PAK5: variants seen among roughly 807,000 people sequenced by gnomAD.
PAK5 encodes p21 (RAC1) activated kinase 5, also known as serine/threonine-protein kinase PAK 5.
In PAK5, 16 loss-of-function variants were observed where a neutral mutation model predicts 65.9. The ratio of observed to expected loss-of-function variants is 0.24; its 90% CI spans 0.16 to 0.37. The LOEUF is 0.37. PAK5 is among the 10% of genes least tolerant of loss of function. The pLI is 1.00. For synonymous variants in PAK5, 371 were observed against 354.9 expected (o/e 1.05, Z -0.51); for missense variants, 785 against 903.9 (o/e 0.87, Z 1.69).
At chr20:9,834,256 A>G (rs1038798311) in intron 1 of PAK5, among the ~76,000 whole-genome samples, 2 of 152,198 alleles carry the variant, frequency 1.3e-5, no homozygotes, top group African/African-American at 4.8e-5. Flanking sequence ...CTAAAACATA[A>G]CATGTGTTCC....
At chr20:9,804,634 A>T (rs2049209603) in intron 1 of PAK5, among the ~76,000 whole-genome samples, 1 of 152,238 alleles carries the variant, frequency 6.6e-6, no homozygotes, top group Non-Finnish European at 1.5e-5. Flanking sequence ...CATAAGGGTA[A>T]ATCTGCATGA....
chr20:9,699,109 A>G (rs2047906046), intron 2 of PAK5, among the ~76,000 whole-genome samples: 1 of 152,114 alleles, frequency 6.6e-6, no homozygotes, highest in Admixed American at 6.6e-5. Flanking sequence ...CATCCCCTGT[A>G]CTACAACCAG....
chr20:9,544,353 A>G lies in PAK5; in HGVS notation c.1869+16T>C, dbSNP rs761620052. On this transcript the variant is annotated intron_variant, in intron 8 of 9. Coordinates refer to ENST00000353224, the MANE Select transcript of PAK5 (RefSeq NM_177990.4). ...TGTCCCCAGTCCTGCCACGCCTATG[A>G]CTGTGACCCCCTTACCTCTGTCCCA... 1.2e-6 allele frequency: 2 copies of G among 1,612,712 alleles called. No homozygotes were observed. The highest frequency in any genetic ancestry group is 3.3e-5 in the Admixed American group (2 of 59,954).
chr20:9,680,358 G>T (rs935577898), intron 2 of PAK5, among the ~76,000 whole-genome samples: 1 of 152,162 alleles, frequency 6.6e-6, no homozygotes, highest in African/African-American at 2.4e-5. Flanking sequence ...TCCTTTACCT[G>T]AGATATCTCA....
At chr20:9,623,200 A>G (rs866610022) in intron 3 of PAK5, among the ~76,000 whole-genome samples, 14 of 152,174 alleles carry the variant, frequency 9.2e-5, no homozygotes, top group Admixed American at 2.6e-4. Flanking sequence ...GACATATTGC[A>G]TTTTGTGGGG....
intron 1 of PAK5, among the ~76,000 whole-genome samples, chr20:9,827,112 C>T (rs756382860): frequency 2.0e-5 from 3 of 152,022 alleles, no homozygotes; most frequent in Non-Finnish European, 4.4e-5. Context: ...CTTTTTTATT[C>T]ACAGAAAATA....
intron 1 of PAK5, among the ~76,000 whole-genome samples, chr20:9,802,845 G>T (rs1357763206): frequency 7.3e-6 from 1 of 137,280 alleles, no homozygotes; most frequent in Non-Finnish European, 1.5e-5. Context: ...CCAACAGAAG[G>T]AATAGAACTA....
chr20:9,544,954 T>C (rs2072952), intron 7 of PAK5, among the ~76,000 whole-genome samples: 69,185 of 152,064 alleles, frequency 0.45, 19,424 homozygotes, highest in African/African-American at 0.8. Flanking sequence ...TACCATGAGG[T>C]GAATCAAAGA....
At chr20:9,817,007 C>T (rs2049364954) in intron 1 of PAK5, among the ~76,000 whole-genome samples, 1 of 152,088 alleles carries the variant, frequency 6.6e-6, no homozygotes, top group South Asian at 2.1e-4. Flanking sequence ...ACAAGCCAGG[C>T]ATGGTGGTGC....
In PAK5 at chr20:9,561,926, A is replaced by G. The variant is rs566804535; in HGVS notation, c.1616+965T>C. 4.1e-3 allele frequency among the ~76,000 whole-genome samples: 619 copies of G among 152,320 alleles called. 1 individual carries two copies. Among genetic ancestry groups the G allele is most frequent in the Middle Eastern group, 0.027 (8 of 294 alleles). On this transcript the variant is annotated intron_variant, in intron 6 of 9. Coordinates refer to ENST00000353224, the MANE Select transcript of PAK5 (RefSeq NM_177990.4). ...GCCATTGCCTGAAAGTTTGCCGTAA[A>G]TGCAGAATCTTACACCCTCTCTATT... is the stretch of plus-strand genomic sequence containing the variant.
chr20:9,669,241 A>G (rs2047460517), intron 2 of PAK5, among the ~76,000 whole-genome samples: 1 of 152,118 alleles, frequency 6.6e-6, no homozygotes, highest in South Asian at 2.1e-4. Context: ...TGTATTTAGG[A>G]TGGTTTCTCT....
At chr20:9,789,700 A>G (rs1234164445) in intron 1 of PAK5, among the ~76,000 whole-genome samples, 1 of 152,090 alleles carries the variant, frequency 6.6e-6, no homozygotes, top group Non-Finnish European at 1.5e-5. Flanking sequence ...GGAAGATGGG[A>G]AAGACCAGGA....
At chr20:9,687,206 T>A (rs1407373748) in intron 2 of PAK5, among the ~76,000 whole-genome samples, 1 of 152,158 alleles carries the variant, frequency 6.6e-6, no homozygotes, top group African/African-American at 2.4e-5. Context: ...TGAGAGCAAA[T>A]GGAAAAGCTC....
chr20:9,742,110 G>A (rs1368573672), intron 1 of PAK5, among the ~76,000 whole-genome samples: 1 of 152,088 alleles, frequency 6.6e-6, no homozygotes, highest in Non-Finnish European at 1.5e-5. Flanking sequence ...CCACCCAAGG[G>A]TATCCAGGTG....
At chr20:9,810,141 G>A (rs2049281621) in intron 1 of PAK5, among the ~76,000 whole-genome samples, 1 of 152,070 alleles carries the variant, frequency 6.6e-6, no homozygotes. Context: ...TCTGCTCCTG[G>A]AGGGCTTTCA....
In PAK5 at chr20:9,711,325, G is replaced by A. The variant is rs943678339; in HGVS notation, c.-51C>T. On this transcript the variant is annotated 5_prime_UTR_variant, in exon 2 of 10. Coordinates refer to ENST00000353224, the MANE Select transcript of PAK5 (RefSeq NM_177990.4). ...TGTGGATGAATTAAAGACTCCAGAG[G>A]AGTGTGGCTATTTCTATTCTGCAAC... 1.3e-5 allele frequency: 2 copies of A among 152,086 alleles called. No individual in the cohort carries two copies. Among genetic ancestry groups the A allele is most frequent in the African/African-American group, 4.8e-5 (2 of 41,406 alleles). 9.4% of individuals were successfully genotyped at this position (152,086 alleles called of 1,614,324 possible). A position where few individuals can be genotyped will look rare whatever the true frequency, so the allele number is the denominator to read the frequency against.
At chr20:9,771,217 A>G (rs564906481) in intron 1 of PAK5, among the ~76,000 whole-genome samples, 1 of 152,276 alleles carries the variant, frequency 6.6e-6, no homozygotes, top group East Asian at 1.9e-4. Flanking sequence ...GCCCTAACAG[A>G]GATAAGATAT....
At chr20:9,581,695 C>T (rs961127431) in intron 3 of PAK5, among the ~76,000 whole-genome samples, 1 of 152,094 alleles carries the variant, frequency 6.6e-6, no homozygotes, top group Non-Finnish European at 1.5e-5. Flanking sequence ...AAATTGTTCC[C>T]TTTAATGAAC....
chr20:9,583,204 T>C (rs1286431230), intron 3 of PAK5, among the ~76,000 whole-genome samples: 1 of 152,196 alleles, frequency 6.6e-6, no homozygotes, highest in East Asian at 1.9e-4. Context: ...TCCATCTGTA[T>C]CTATATTAAC....
Sources: allele counts gnomAD v4.1 joint callset (sites outside exome capture counted in the v4.1 genomes callset), GRCh38; gene constraint gnomAD v4.1.1; transcripts MANE v1.5; gene names NCBI Gene and HGNC (gene_info 2026-07-23, HGNC 2026-07-21).